The following TANGO6 variants were observed in gnomAD, a reference collection of about 807,000 sequenced individuals.
The protein encoded by TANGO6 is transport and golgi organization 6 homolog, also known as transport and Golgi organization protein 6 homolog.
Under a neutral mutation model 114.2 loss-of-function variants are expected in TANGO6, and 90 were observed. That is an observed-to-expected ratio of 0.79 (90% confidence interval 0.66 to 0.94). The LOEUF (loss-of-function observed/expected upper bound fraction) is 0.94. TANGO6 is among the 40% of genes least tolerant of loss of function. The pLI is 0.00. For missense variants in TANGO6, 1,274 were observed against 1,315.3 expected, an observed-to-expected ratio of 0.97 and a Z score of 0.49; for synonymous variants, 477 against 509.8, an observed-to-expected ratio of 0.94 and a Z score of 0.87.
At chr16:69,053,832 G>A (rs959734168) in intron 17 of TANGO6, among the ~76,000 whole-genome samples, 1 of 152,214 alleles carries the variant, frequency 6.6e-6, no homozygotes, top group African/African-American at 2.4e-5. Context: ...GGGAGGCCAA[G>A]GCGGGTGGAT....
intron 15 of TANGO6, among the ~76,000 whole-genome samples, chr16:68,989,652 A>G (rs755394966): frequency 6.6e-6 from 1 of 152,202 alleles, no homozygotes; most frequent in African/African-American, 2.4e-5. Flanking sequence ...TTATATTTTC[A>G]CATAATTAGA....
chr16:69,045,567 C>T (rs1356724957), intron 17 of TANGO6, among the ~76,000 whole-genome samples: 1 of 150,934 alleles, frequency 6.6e-6, no homozygotes, highest in Non-Finnish European at 1.5e-5. Flanking sequence ...CATAGTGAAA[C>T]CCCCTCTCTA....
At chr16:68,963,798 A>C (rs1963618185) in intron 14 of TANGO6, among the ~76,000 whole-genome samples, 1 of 152,108 alleles carries the variant, frequency 6.6e-6, no homozygotes, top group South Asian at 2.1e-4. Flanking sequence ...ATACTGATAT[A>C]TTTTCCAAAG....
At chr16:69,064,368 A>G (rs1490828527) in intron 17 of TANGO6, among the ~76,000 whole-genome samples, 5 of 152,066 alleles carry the variant, frequency 3.3e-5, no homozygotes, top group Admixed American at 6.6e-5. Flanking sequence ...CACTTCCCCT[A>G]TCCACAGAGG....
chr16:68,974,642 CA>C (rs1963743732), intron 15 of TANGO6, among the ~76,000 whole-genome samples: 1 of 150,832 alleles, frequency 6.6e-6, no homozygotes, highest in African/African-American at 2.4e-5. Context: ...GCCTGGGCGA[CA>C]AAATGAGATT....
intron 4 of TANGO6, among the ~76,000 whole-genome samples, chr16:68,870,966 T>C (rs1290743593): frequency 1.3e-5 from 2 of 151,130 alleles, no homozygotes; most frequent in East Asian, 3.9e-4. Flanking sequence ...TTTTTTTGTA[T>C]TTTTAGTAGA....
intron 15 of TANGO6, among the ~76,000 whole-genome samples, chr16:68,997,827 C>A (rs1964005565): frequency 6.6e-6 from 1 of 152,140 alleles, no homozygotes; most frequent in South Asian, 2.1e-4. Context: ...ACAAGGGCAC[C>A]CTTAATCCTA....
intron 11 of TANGO6, among the ~76,000 whole-genome samples, chr16:68,915,918 T>G (rs1962997383): frequency 6.6e-6 from 1 of 152,174 alleles, no homozygotes; most frequent in Admixed American, 6.5e-5. Context: ...TCTCAGCCTT[T>G]CCATTTCTAA....
intron 6 of TANGO6, among the ~76,000 whole-genome samples, chr16:68,878,841 G>C (rs1422770070): frequency 1.3e-5 from 2 of 151,964 alleles, no homozygotes; most frequent in Non-Finnish European, 2.9e-5. Context: ...GGGAGGCTTA[G>C]GCGGGCAGAT....
At chr16:68,955,693 G>A (rs1296925541) in intron 14 of TANGO6, among the ~76,000 whole-genome samples, 2 of 152,122 alleles carry the variant, frequency 1.3e-5, no homozygotes, top group Non-Finnish European at 2.9e-5. Flanking sequence ...TTTATCAGTG[G>A]AAAGTCTGAT....
chr16:69,054,882 A>C (rs940358998), intron 17 of TANGO6, among the ~76,000 whole-genome samples: 2 of 142,320 alleles, frequency 1.4e-5, no homozygotes, highest in African/African-American at 5.2e-5. Flanking sequence ...CGGAGCTTGC[A>C]GTGAGCCGAG....
At position 68,974,081 on chromosome 16, in the gene TANGO6, G is replaced by A; in HGVS notation, c.2755G>A (p.Ala919Thr). 1 of 1,613,578 alleles carries A rather than the reference G, an allele frequency of 6.2e-7. No individual in the cohort carries two copies. Among genetic ancestry groups the A allele is most frequent in the South Asian group, 1.1e-5 (1 of 90,950 alleles). ...YPEKILPDLLAQYDSSKDKHT... is the reference protein window; with the variant it reads ...YPEKILPDLLTQYDSSKDKHT... ...TGAGAAAATCTTGCCGGACTTGTTG[G>A]CTCAATATGACAGCAGCAAAGACAA... Residue 919 changes from alanine to threonine, a missense_variant, in exon 15 of 18, where the codon GCT (alanine) becomes ACT (threonine). Transcript: ENST00000261778.
chr16:69,075,276 T>C (rs1416483841), intron 17 of TANGO6, among the ~76,000 whole-genome samples: 1 of 151,988 alleles, frequency 6.6e-6, no homozygotes. Flanking sequence ...ATTATTAGCA[T>C]GAATTTTACT....
intron 16 of TANGO6, among the ~76,000 whole-genome samples, chr16:69,029,403 G>C (rs1597064354): frequency 6.6e-6 from 1 of 152,204 alleles, no homozygotes; most frequent in African/African-American, 2.4e-5. Flanking sequence ...TTGATACAAT[G>C]ATTTATTCAA....
chr16:68,966,689 G>A (rs1199366554), intron 14 of TANGO6, among the ~76,000 whole-genome samples: 1 of 151,600 alleles, frequency 6.6e-6, no homozygotes, highest in African/African-American at 2.4e-5. Flanking sequence ...ACTAAACCTT[G>A]AATTACTGGG....
chr16:68,949,607 G>A (rs546762948), intron 14 of TANGO6, among the ~76,000 whole-genome samples: 11 of 148,638 alleles, frequency 7.4e-5, no homozygotes, highest in Non-Finnish European at 1.0e-4. Context: ...GGAGATGAGC[G>A]AAACTCTGTC....
intron 11 of TANGO6, among the ~76,000 whole-genome samples, chr16:68,917,861 TC>T (rs1963028533): frequency 6.6e-6 from 1 of 151,652 alleles, no homozygotes; most frequent in Non-Finnish European, 1.5e-5. Flanking sequence ...CAAGCAGTCC[TC>T]CCACCTCAGT....
intron 7 of TANGO6, among the ~76,000 whole-genome samples, chr16:68,885,072 A>G (rs1277422771): frequency 1.3e-5 from 2 of 152,232 alleles, no homozygotes; most frequent in Non-Finnish European, 2.9e-5. Flanking sequence ...TTAACAACAA[A>G]GGATGTGTTG....
chr16:69,050,152 A>G (rs529281723), intron 17 of TANGO6, among the ~76,000 whole-genome samples: 9 of 152,296 alleles, frequency 5.9e-5, no homozygotes, highest in Non-Finnish European at 1.3e-4. Flanking sequence ...AGGAACTGCC[A>G]GACTGTTTTC....
Sources: allele counts gnomAD v4.1 joint callset (sites outside exome capture counted in the v4.1 genomes callset), GRCh38; gene constraint gnomAD v4.1.1; transcripts MANE v1.5; gene names NCBI Gene and HGNC (gene_info 2026-07-23, HGNC 2026-07-21).